EIF2B3: variants seen among roughly 807,000 people sequenced by gnomAD.
EIF2B3 encodes the protein eukaryotic translation initiation factor 2B subunit gamma, also known as translation initiation factor eIF2B subunit gamma.
EIF2B3 carries 20 observed loss-of-function variants against 54.1 expected under a neutral mutation model. That is an observed-to-expected ratio of 0.37 (90% CI 0.26 to 0.54). EIF2B3 has a LOEUF of 0.54. Among genes scored for constraint, EIF2B3 ranks in the 20% least tolerant of loss-of-function variants. The probability of loss-of-function intolerance (pLI) is 0.86; values close to 1 mark genes in which losing one functional copy is unlikely to be tolerated. For synonymous variants in EIF2B3, 153 were observed against 188.1 expected (o/e 0.81, Z 1.52); for missense variants, 448 against 547.8 (o/e 0.82, Z 1.82).
chr1:44,907,993 A>G (rs895821009), intron 5 of EIF2B3, among the ~76,000 whole-genome samples: 1 of 151,714 alleles, frequency 6.6e-6, no homozygotes, highest in Admixed American at 6.6e-5. Context: ...ATCATGAGGT[A>G]GAGTCTATTT....
chr1:44,886,722 C>T (rs556054619), intron 6 of EIF2B3, among the ~76,000 whole-genome samples: 6 of 152,190 alleles, frequency 3.9e-5, no homozygotes, highest in Admixed American at 6.5e-5. Context: ...AGGCAAATGC[C>T]GAGCTGTAAC....
chr1:44,860,796 G>C (rs1654590418), intron 10 of EIF2B3, among the ~76,000 whole-genome samples: 1 of 152,132 alleles, frequency 6.6e-6, no homozygotes, highest in Non-Finnish European at 1.5e-5. Context: ...AAGGGAGAAG[G>C]AGGAGGATAG....
intron 5 of EIF2B3, among the ~76,000 whole-genome samples, chr1:44,906,983 ATG>A (rs923901251): frequency 6.6e-6 from 1 of 152,182 alleles, no homozygotes; most frequent in East Asian, 1.9e-4. Context: ...CAAACCTGAA[ATG>A]TGAGTCTTTT....
intron 8 of EIF2B3, among the ~76,000 whole-genome samples, chr1:44,875,913 T>G (rs1050712062): frequency 8.5e-5 from 13 of 152,250 alleles, no homozygotes; most frequent in Admixed American, 2.0e-4. Context: ...GCCTGCCGAC[T>G]GCCTGCAATT....
chr1:44,960,593 G>A (rs766019040), intron 3 of EIF2B3, among the ~76,000 whole-genome samples: 4 of 151,676 alleles, frequency 2.6e-5, no homozygotes, highest in East Asian at 1.9e-4. Context: ...AGCCGAGATC[G>A]CGCCACTGCA....
At chr1:44,888,213 T>TAA (rs1655664145) in intron 6 of EIF2B3, among the ~76,000 whole-genome samples, 1 of 152,140 alleles carries the variant, frequency 6.6e-6, no homozygotes, top group African/African-American at 2.4e-5. Context: ...ATGTCTATGT[T>TAA]TTGTCACATG....
intron 3 of EIF2B3, among the ~76,000 whole-genome samples, chr1:44,976,042 A>G (rs1644449902): frequency 6.6e-6 from 1 of 152,188 alleles, no homozygotes; most frequent in African/African-American, 2.4e-5. Context: ...ACATCTACAC[A>G]AAGGTCAGAT....
intron 5 of EIF2B3, among the ~76,000 whole-genome samples, chr1:44,920,967 A>G (rs181745326): frequency 7.1e-4 from 108 of 152,260 alleles, no homozygotes; most frequent in African/African-American, 2.5e-3. Context: ...GAACCTCCAA[A>G]CTGTTCTCCA....
At chr1:44,860,486 T>G (rs901040885) in intron 10 of EIF2B3, among the ~76,000 whole-genome samples, 3 of 152,216 alleles carry the variant, frequency 2.0e-5, no homozygotes, top group Admixed American at 6.5e-5. Context: ...AGTACTATTT[T>G]TATCTCTGAT....
intron 5 of EIF2B3, among the ~76,000 whole-genome samples, chr1:44,912,349 T>C (rs1261444777): frequency 6.6e-6 from 1 of 152,248 alleles, no homozygotes; most frequent in Non-Finnish European, 1.5e-5. Context: ...ACTGTGATAC[T>C]TTTCAAGTCT....
chr1:44,874,886 C>T, intron 9 of EIF2B3, 60 bp from the exon 10 acceptor site: 1 of 1,602,502 alleles, frequency 6.2e-7, no homozygotes, highest in South Asian at 1.1e-5. Context: ...AAACCACCCT[C>T]CAGATCCCTC....
chr1:44,982,547 G>C (rs1644526074), intron 1 of EIF2B3, among the ~76,000 whole-genome samples: 1 of 152,102 alleles, frequency 6.6e-6, no homozygotes, highest in South Asian at 2.1e-4. Context: ...ATCCACCGGA[G>C]TCGGCCTCCC....
At chr1:44,969,499 T>C (rs1349276009) in intron 3 of EIF2B3, among the ~76,000 whole-genome samples, 1 of 152,202 alleles carries the variant, frequency 6.6e-6, no homozygotes, top group Non-Finnish European at 1.5e-5. Flanking sequence ...AGAATTATTA[T>C]TGATTTGGTT....
intron 4 of EIF2B3, among the ~76,000 whole-genome samples, chr1:44,927,664 C>T (rs1643866647): frequency 6.6e-6 from 1 of 152,030 alleles, no homozygotes; most frequent in African/African-American, 2.4e-5. Flanking sequence ...GACGTTTAAA[C>T]AAGGTCTGTA....
intron 3 of EIF2B3, chr1:44,959,421 G>T: frequency 2.1e-6 from 1 of 467,430 alleles, no homozygotes; most frequent in South Asian, 2.3e-5. Context: ...ACACACCTGT[G>T]ATCCCAGCTA....
intron 6 of EIF2B3, among the ~76,000 whole-genome samples, chr1:44,896,124 C>T (rs1437288751): frequency 6.6e-6 from 1 of 152,162 alleles, no homozygotes; most frequent in Admixed American, 6.5e-5. Context: ...AGGGCAGGGC[C>T]ATATCTGTTT....
intron 6 of EIF2B3, among the ~76,000 whole-genome samples, chr1:44,882,149 T>TTA (rs1448834924): frequency 6.6e-6 from 1 of 152,218 alleles, no homozygotes; most frequent in Non-Finnish European, 1.5e-5. Context: ...CATATGCGAG[T>TTA]TACTGTGCTA....
intron 4 of EIF2B3, chr1:44,940,818 A>G (rs1443016133): frequency 6.6e-6 from 1 of 152,384 alleles, no homozygotes; most frequent in Non-Finnish European, 1.5e-5. Flanking sequence ...TATCACATTT[A>G]TTGGTCATTT....
chr1:44,920,420 CAATTA>C (rs1255647457), intron 5 of EIF2B3, among the ~76,000 whole-genome samples: 1 of 152,080 alleles, frequency 6.6e-6, no homozygotes, highest in African/African-American at 2.4e-5. Context: ...TTAAAATGTA[CAATTA>C]AATTATTTTT....
Sources: allele counts gnomAD v4.1 joint callset (sites outside exome capture counted in the v4.1 genomes callset), GRCh38; gene constraint gnomAD v4.1.1; transcripts MANE v1.5; gene names NCBI Gene and HGNC (gene_info 2026-07-23, HGNC 2026-07-21).